SDK1: variants seen among roughly 807,000 people sequenced by gnomAD.
The protein encoded by SDK1 is protein sidekick-1.
A neutral mutation model predicts 245.5 loss-of-function variants in SDK1; 157 were observed. The observed-to-expected ratio is 0.64, with a 90% confidence interval of 0.56 to 0.73. SDK1 has a LOEUF of 0.73. SDK1 is among the 30% of genes least tolerant of loss of function. The pLI is 0.00. For missense variants in SDK1, 3,583 were observed against 3,002.3 expected, an observed-to-expected ratio of 1.19 and a Z score of -4.52; for synonymous variants, 1,647 against 1,278.5, an observed-to-expected ratio of 1.29 and a Z score of -6.15.
intron 13 of SDK1, among the ~76,000 whole-genome samples, chr7:3,979,738 A>G (rs759692733): frequency 6.6e-6 from 1 of 152,212 alleles, no homozygotes; most frequent in Non-Finnish European, 1.5e-5. Context: ...TTCTAGTGCC[A>G]TGGGGACAGG....
At chr7:3,822,333 T>C (rs1178735472) in intron 5 of SDK1, among the ~76,000 whole-genome samples, 4 of 152,246 alleles carry the variant, frequency 2.6e-5, no homozygotes, top group African/African-American at 7.2e-5. Flanking sequence ...AAAATAGGGT[T>C]GAAACTAGTC....
At chr7:3,743,378 C>A (rs1035946694) in intron 4 of SDK1, among the ~76,000 whole-genome samples, 1 of 152,138 alleles carries the variant, frequency 6.6e-6, no homozygotes, top group African/African-American at 2.4e-5. Flanking sequence ...ACATTCAGCC[C>A]ATTCTCCTTG....
intron 14 of SDK1, among the ~76,000 whole-genome samples, chr7:3,994,903 G>T (rs556043953): frequency 6.6e-6 from 1 of 152,242 alleles, no homozygotes; most frequent in South Asian, 2.1e-4. Flanking sequence ...ACCTCACTGA[G>T]TGGTTTCCCC....
intron 42 of SDK1, 140 bp downstream of exon 42, chr7:4,237,924 T>A: frequency 9.4e-7 from 1 of 1,060,218 alleles, no homozygotes. Context: ...ATGCAATAGG[T>A]TTTCTTTCTG....
chr7:3,794,692 A>T (rs961671441), intron 4 of SDK1, among the ~76,000 whole-genome samples: 2 of 152,200 alleles, frequency 1.3e-5, no homozygotes, highest in East Asian at 3.9e-4. Flanking sequence ...TAGTCCCTCG[A>T]CCTTGGACTT....
At chr7:4,101,906 A>T (rs920434217) in intron 22 of SDK1, among the ~76,000 whole-genome samples, 1 of 152,130 alleles carries the variant, frequency 6.6e-6, no homozygotes, top group African/African-American at 2.4e-5. Flanking sequence ...GTGGAGGGAG[A>T]TCGAGAGAGC....
intron 1 of SDK1, among the ~76,000 whole-genome samples, chr7:3,367,945 C>A (rs773329002): frequency 1.3e-5 from 2 of 152,266 alleles, no homozygotes; most frequent in South Asian, 4.1e-4. Flanking sequence ...CCACTTATTG[C>A]ATGTTGATGG....
chr7:3,555,638 A>G (rs755415399), intron 1 of SDK1, among the ~76,000 whole-genome samples: 8 of 152,150 alleles, frequency 5.3e-5, no homozygotes, highest in Non-Finnish European at 7.4e-5. Context: ...CAAAGAGACA[A>G]TTCAGTGGGA....
chr7:3,724,127 C>T (rs531218344), intron 4 of SDK1, among the ~76,000 whole-genome samples: 8 of 151,948 alleles, frequency 5.3e-5, no homozygotes, highest in Admixed American at 2.0e-4. Flanking sequence ...CCATGCTCAG[C>T]TAATTTGTTG....
intron 1 of SDK1, among the ~76,000 whole-genome samples, chr7:3,439,731 T>C (rs994160515): frequency 1.4e-4 from 21 of 152,244 alleles, no homozygotes; most frequent in African/African-American, 5.1e-4. Flanking sequence ...AACATTGTCA[T>C]TTATACATGA....
At chr7:4,197,846 T>C (rs1427131556) in intron 35 of SDK1, among the ~76,000 whole-genome samples, 1 of 152,216 alleles carries the variant, frequency 6.6e-6, no homozygotes, top group Admixed American at 6.5e-5. Context: ...ACCCACTGCT[T>C]GCGGTGGTCT....
At chr7:3,591,480 A>T (rs1780873470) in intron 1 of SDK1, among the ~76,000 whole-genome samples, 1 of 152,256 alleles carries the variant, frequency 6.6e-6, no homozygotes, top group Non-Finnish European at 1.5e-5. Flanking sequence ...GGCTTTGGCC[A>T]CGTTGTGAAA....
At chr7:4,099,988 CAGG>C (rs1343494856) in intron 22 of SDK1, among the ~76,000 whole-genome samples, 1 of 152,142 alleles carries the variant, frequency 6.6e-6, no homozygotes, top group African/African-American at 2.4e-5. Flanking sequence ...CAGGAAGTCT[CAGG>C]AGCTCAGTGT....
intron 4 of SDK1, among the ~76,000 whole-genome samples, chr7:3,761,553 CAAA>C (rs1307806673): frequency 1.0e-5 from 1 of 99,434 alleles, no homozygotes; most frequent in African/African-American, 3.3e-5. Flanking sequence ...GACTCCATCT[CAAA>C]AAAAAAAAAA....
At chr7:3,958,563 G>A (rs941892311) in intron 7 of SDK1, among the ~76,000 whole-genome samples, 1 of 152,238 alleles carries the variant, frequency 6.6e-6, no homozygotes, top group African/African-American at 2.4e-5. Flanking sequence ...CACTTGACAA[G>A]CTTCACGAGC....
intron 22 of SDK1, among the ~76,000 whole-genome samples, chr7:4,088,888 G>C (rs1781596918): frequency 6.6e-6 from 1 of 152,342 alleles, no homozygotes; most frequent in South Asian, 2.1e-4. Context: ...TCAGGCAGAG[G>C]ACTCTCGTGG....
rs1393507517 is a variant in SDK1 at position 4,267,277 on chromosome 7, CCTCTCTTT to C, written c.*1895_*1902del. On this transcript the variant is annotated 3_prime_UTR_variant, in exon 45 of 45. Transcript: ENST00000404826. ...CCCTCCCTCCTTCCCTCCCTTCCTTCCTCTCTTTCCTCCTTCCTTCCCTCCCTTCTTTC... is the reference window on the plus strand; with the variant it reads ...CCCTCCCTCCTTCCCTCCCTTCCTTCCCTCCTTCCTTCCCTCCCTTCTTTC... The C allele has an allele frequency of 2.0e-6, 1 of 505,566 alleles. No homozygotes were observed. The highest frequency in any genetic ancestry group is 2.2e-5 in the African/African-American group (1 of 46,138). The allele number at this position is 505,566 out of a possible 1,614,324, so 31.3% of individuals were successfully genotyped here. A position where few individuals can be genotyped will look rare whatever the true frequency, so the allele number is the denominator to read the frequency against.
intron 5 of SDK1, among the ~76,000 whole-genome samples, chr7:3,929,354 A>G (rs1779894444): frequency 6.6e-6 from 1 of 152,216 alleles, no homozygotes; most frequent in African/African-American, 2.4e-5. Context: ...ATCTTCATGC[A>G]CCAGGCACTC....
intron 4 of SDK1, among the ~76,000 whole-genome samples, chr7:3,689,052 A>G (rs779081917): frequency 6.6e-6 from 1 of 152,134 alleles, no homozygotes; most frequent in African/African-American, 2.4e-5. Flanking sequence ...ACAGCCACCC[A>G]TTCATTTATG....
Sources: allele counts gnomAD v4.1 joint callset (sites outside exome capture counted in the v4.1 genomes callset), GRCh38; gene constraint gnomAD v4.1.1; transcripts MANE v1.5; gene names NCBI Gene and HGNC (gene_info 2026-07-23, HGNC 2026-07-21).